MGMT: variants seen among roughly 807,000 people sequenced by gnomAD.
MGMT encodes O-6-methylguanine-DNA methyltransferase.
MGMT carries 14 observed loss-of-function variants against 15.9 expected under a neutral mutation model. The observed-to-expected ratio is 0.88, with a 90% CI of 0.58 to 1.37. The LOEUF (loss-of-function observed/expected upper bound fraction) is 1.37. Ranked by LOEUF, MGMT falls within the 40% of genes most tolerant of loss-of-function variation. MGMT has a pLI of 0.00. For missense variants in MGMT, 282 were observed against 268.1 expected (o/e 1.05, Z -0.36); for synonymous variants, 130 against 118.2 (o/e 1.10, Z -0.65).
chr10:129,467,953 T>C (rs2119604674), intron 1 of MGMT, among the ~76,000 whole-genome samples: 1 of 152,328 alleles, frequency 6.6e-6, no homozygotes, highest in East Asian at 1.9e-4. Context: ...GTGTTTGCTC[T>C]CAGTTGCTTC....
At chr10:129,543,767 G>A (rs1846070073) in intron 2 of MGMT, among the ~76,000 whole-genome samples, 1 of 152,174 alleles carries the variant, frequency 6.6e-6, no homozygotes, top group Non-Finnish European at 1.5e-5. Context: ...TGGCAAACGT[G>A]TGTGCCTGTG....
intron 2 of MGMT, among the ~76,000 whole-genome samples, chr10:129,620,402 T>G (rs1211040092): frequency 6.6e-6 from 1 of 152,214 alleles, no homozygotes; most frequent in East Asian, 1.9e-4. Context: ...TTTGTCTCCC[T>G]GTTCAATCAG....
chr10:129,661,468 A>G (rs180853716), intron 2 of MGMT, among the ~76,000 whole-genome samples: 80 of 152,282 alleles, frequency 5.3e-4, no homozygotes, highest in Non-Finnish European at 2.2e-4. Flanking sequence ...TTATTTTTCA[A>G]AAAGCTTACA....
At chr10:129,706,812 C>T (rs1253406456) in intron 2 of MGMT, among the ~76,000 whole-genome samples, 1 of 152,162 alleles carries the variant, frequency 6.6e-6, no homozygotes, top group Non-Finnish European at 1.5e-5. Context: ...GAAAATCCAC[C>T]CCTGCTGGAG....
At chr10:129,609,344 G>A (rs554974036) in intron 2 of MGMT, among the ~76,000 whole-genome samples, 29 of 151,786 alleles carry the variant, frequency 1.9e-4, no homozygotes, top group South Asian at 1.9e-3. Context: ...GGCCCCATCC[G>A]GATGATGGAG....
intron 3 of MGMT, among the ~76,000 whole-genome samples, chr10:129,733,545 C>T (rs1365012432): frequency 6.6e-6 from 1 of 151,032 alleles, no homozygotes; most frequent in Non-Finnish European, 1.5e-5. Context: ...TTTTGCTGTG[C>T]AGAAGCTCTT....
intron 1 of MGMT, among the ~76,000 whole-genome samples, chr10:129,514,534 G>T (rs563753074): frequency 6.6e-6 from 1 of 152,184 alleles, no homozygotes; most frequent in Non-Finnish European, 1.5e-5. Flanking sequence ...TCCTAGTTCA[G>T]TCTGATTCCT....
intron 2 of MGMT, among the ~76,000 whole-genome samples, chr10:129,557,601 A>G (rs1380580831): frequency 6.6e-6 from 1 of 152,232 alleles, no homozygotes; most frequent in African/African-American, 2.4e-5. Flanking sequence ...AAATTAGATA[A>G]TGCAGAAATC....
chr10:129,590,553 C>T (rs1478266886), intron 2 of MGMT, among the ~76,000 whole-genome samples: 1 of 152,146 alleles, frequency 6.6e-6, no homozygotes, highest in South Asian at 2.1e-4. Context: ...AATTGCTGGT[C>T]GAGGCAAGAA....
In MGMT at chr10:129,758,753, C is replaced by T. The variant is rs116929745; in HGVS notation, c.275-449C>T. 6.0e-3 allele frequency among the ~76,000 whole-genome samples: 907 copies of T among 152,260 alleles called. 20 individuals carry two copies. The highest frequency in any genetic ancestry group is 0.045 in the Admixed American group (686 of 15,300). ...TGGAGGTGGACAGCCGGCATAATAT[C>T]GCAGCCTGGCCTGTGGCTGCTTTTG... On this transcript the variant is annotated intron_variant, in intron 3 of 4. Coordinates refer to ENST00000651593, the MANE Select transcript of MGMT (RefSeq NM_002412.5).
chr10:129,551,649 G>A (rs532380575), intron 2 of MGMT, among the ~76,000 whole-genome samples: 47 of 152,224 alleles, frequency 3.1e-4, no homozygotes, highest in African/African-American at 1.1e-3. Context: ...AAGTTTCTCC[G>A]AGGTATTTTC....
intron 3 of MGMT, among the ~76,000 whole-genome samples, chr10:129,754,423 G>T (rs974487331): frequency 4.6e-5 from 7 of 152,106 alleles, no homozygotes; most frequent in Admixed American, 6.5e-5. Context: ...CATCAGAAAG[G>T]GACCATCTCC....
In MGMT at chr10:129,531,546, A is replaced by G. The variant is rs74890744; in HGVS notation, c.-12-4695A>G. ...CACACCTGCTAGGTCAGCCCTGGGC[A>G]TCGCATCAGAGACGCTGCCGTGCTC... On this transcript the variant is annotated intron_variant, in intron 1 of 4. Transcript: ENST00000651593. 8.7e-3 allele frequency among the ~76,000 whole-genome samples: 1,322 copies of G among 152,072 alleles called. 13 individuals are homozygous for G. The highest frequency in any genetic ancestry group is 0.03 in the African/African-American group (1,259 of 41,482).
intron 4 of MGMT, among the ~76,000 whole-genome samples, chr10:129,763,399 AT>A (rs1264236236): frequency 6.6e-6 from 1 of 152,186 alleles, no homozygotes; most frequent in Non-Finnish European, 1.5e-5. Flanking sequence ...AACGGTAAAA[AT>A]AGTGCCTATT....
chr10:129,519,016 C>G (rs1054833054), intron 1 of MGMT, among the ~76,000 whole-genome samples: 1 of 152,076 alleles, frequency 6.6e-6, no homozygotes, highest in Admixed American at 6.5e-5. Flanking sequence ...CTCCCAGAGC[C>G]CTGACTACTG....
chr10:129,495,685 C>T (rs1845513457), intron 1 of MGMT, among the ~76,000 whole-genome samples: 1 of 152,234 alleles, frequency 6.6e-6, no homozygotes, highest in African/African-American at 2.4e-5. Context: ...ATTGCATGGA[C>T]ATGCCTTCCT....
chr10:129,647,474 G>A (rs986828588), intron 2 of MGMT, among the ~76,000 whole-genome samples: 9 of 152,194 alleles, frequency 5.9e-5, no homozygotes, highest in Admixed American at 2.0e-4. Flanking sequence ...CTTTCCCATC[G>A]AAGCGTTGGT....
At chr10:129,571,025 GA>G (rs1846411238) in intron 2 of MGMT, among the ~76,000 whole-genome samples, 1 of 152,200 alleles carries the variant, frequency 6.6e-6, no homozygotes, top group African/African-American at 2.4e-5. Flanking sequence ...CTTCGGCTGT[GA>G]AATGGCATCA....
At chr10:129,684,224 G>C (rs1351213178) in intron 2 of MGMT, among the ~76,000 whole-genome samples, 1 of 152,230 alleles carries the variant, frequency 6.6e-6, no homozygotes, top group Non-Finnish European at 1.5e-5. Flanking sequence ...GCATTTTTTA[G>C]TGTTGTATTT....
Sources: gnomAD v4.1 joint callset for allele counts (sites outside exome capture counted in the v4.1 genomes callset) on GRCh38, gnomAD v4.1.1 for gene constraint, MANE v1.5 for transcripts, NCBI Gene and HGNC (gene_info 2026-07-23, HGNC 2026-07-21) for gene names.